SLCO3A1: variants seen among roughly 807,000 people sequenced by gnomAD.
SLCO3A1 encodes the protein PGE1 transporter.
In SLCO3A1, 27 loss-of-function variants were observed where a neutral mutation model predicts 63.1. The observed-to-expected ratio is 0.43, with a 90% CI of 0.32 to 0.59. SLCO3A1 has a LOEUF of 0.59. SLCO3A1 is among the 20% of genes least tolerant of loss of function. The pLI is 0.09. For missense variants in SLCO3A1, 773 were observed against 945.8 expected, an observed-to-expected ratio of 0.82 and a Z score of 2.40; for synonymous variants, 473 against 409.9, an observed-to-expected ratio of 1.15 and a Z score of -1.86.
At chr15:92,111,101 C>A (rs1253463376) in intron 4 of SLCO3A1, among the ~76,000 whole-genome samples, 1 of 152,184 alleles carries the variant, frequency 6.6e-6, no homozygotes, top group East Asian at 1.9e-4. Context: ...TTCACCCCCG[C>A]CCCACCACTG....
In SLCO3A1 at chr15:92,163,482, G is replaced by C. The variant is rs182908291; in HGVS notation, c.*347G>C. ...ACAGTGGTGGCCAGCTTGGAGGATG[G>C]ACATTTCTGGATACACATACACATA... On this transcript the variant is annotated 3_prime_UTR_variant, in exon 10 of 10. Coordinates refer to ENST00000318445, the MANE Select transcript of SLCO3A1 (RefSeq NM_013272.4). The C allele has an allele frequency of 2.2e-4, 229 of 1,021,696 alleles. No homozygotes were observed. In the African/African-American group the frequency reaches 3.1e-3, roughly 14 times the overall value. 63.3% of individuals were successfully genotyped at this position (1,021,696 alleles called of 1,614,324 possible).
At chr15:92,137,148 A>G (rs1450021708) in intron 7 of SLCO3A1, among the ~76,000 whole-genome samples, 11 of 123,080 alleles carry the variant, frequency 8.9e-5, no homozygotes, top group South Asian at 2.7e-4. Context: ...AGCAGTCCCC[A>G]GAGTGTGATG....
chr15:91,884,468 C>T (rs1483580872), intron 1 of SLCO3A1, among the ~76,000 whole-genome samples: 2 of 144,916 alleles, frequency 1.4e-5, no homozygotes, highest in South Asian at 2.2e-4. Flanking sequence ...GCCGAGATCG[C>T]GTCACTGCGC....
intron 4 of SLCO3A1, among the ~76,000 whole-genome samples, chr15:92,107,008 G>A (rs1280451503): frequency 6.6e-6 from 1 of 152,110 alleles, no homozygotes; most frequent in Non-Finnish European, 1.5e-5. Flanking sequence ...TTATATTCTG[G>A]AGCTTATGTT....
At chr15:92,087,609 C>T (rs541104943) in intron 2 of SLCO3A1, among the ~76,000 whole-genome samples, 1 of 150,814 alleles carries the variant, frequency 6.6e-6, no homozygotes, top group East Asian at 2.0e-4. Context: ...ACCTCTGCCT[C>T]CCAGGTTCAA....
At chr15:91,969,122 A>G (rs1251998249) in intron 2 of SLCO3A1, among the ~76,000 whole-genome samples, 2 of 152,190 alleles carry the variant, frequency 1.3e-5, no homozygotes, top group African/African-American at 2.4e-5. Context: ...TTTTCGTTGT[A>G]TACAGCACAT....
chr15:92,126,142 G>A lies in SLCO3A1; in HGVS notation c.1256G>A (p.Gly419Glu), dbSNP rs746511750. 4 of 1,613,848 alleles carry A rather than the reference G, an allele frequency of 2.5e-6. No individual in the cohort carries two copies. The highest frequency in any genetic ancestry group is 1.3e-5 in the African/African-American group (1 of 74,944). Reference protein sequence around the residue: ...LVKKLSLSALGAIRMAMLVNL... With the variant: ...LVKKLSLSALEAIRMAMLVNL... ...AAGAAGCTCAGCCTGTCTGCCCTGG[G>A]GGCCATTCGGATGGCCATGCTCGTC... The change falls in exon 6 of 10, where the codon GGG (glycine) becomes GAG (glutamate). Residue 419 changes from glycine to glutamate, a missense_variant. Gly to Glu is a moderately conservative substitution (Grantham distance 98, BLOSUM62 -2). Around this residue, in one of 3 missense-constraint regions of SLCO3A1, gnomAD observed 565 missense variants for 749.8 expected, o/e 0.75. Transcript: ENST00000318445.
chr15:92,155,215 C>T lies in SLCO3A1; in HGVS notation c.1753+4201C>T, dbSNP rs1445591891. 2.6e-5 allele frequency: 4 copies of T among 152,284 alleles called. No individual in the cohort carries two copies. The South Asian group carries it at 8.3e-4, about 31-fold the overall frequency. The allele number at this position is 152,284 out of a possible 1,614,324, so 9.4% of individuals were successfully genotyped here. On this transcript the variant is annotated intron_variant, in intron 9 of 9. Transcript: ENST00000318445. ...CAGGTGTCTTGGCTACTCCTTTTCT[C>T]TCCAGGCTGTGGGCAAACTCTCTGC... is the stretch of plus-strand genomic sequence containing the variant.
rs200333369 is a variant in SLCO3A1, at chr15:91,944,597, G to A, written c.646+28139G>A. 5.3e-5 allele frequency among the ~76,000 whole-genome samples: 8 copies of A among 152,104 alleles called. No homozygotes were observed. The East Asian group carries it at 1.4e-3, about 26-fold the overall frequency. The stretch of plus-strand genomic sequence containing the variant: ...CAGCCATGGACAAGCAGACAGCCAC[G>A]GATATTATGACAATGCAAGTCCTGG... On this transcript the variant is annotated intron_variant, in intron 2 of 9. Transcript: ENST00000318445.
In SLCO3A1 at chr15:91,868,090, C is replaced by T. The variant is rs1459033487; in HGVS notation, c.180+14002C>T. 2.0e-5 allele frequency among the ~76,000 whole-genome samples: 3 copies of T among 151,804 alleles called. No individual in the cohort carries two copies. In the East Asian group the frequency reaches 5.8e-4, roughly 29 times the overall value. On this transcript the variant is annotated intron_variant, in intron 1 of 9. Transcript: ENST00000318445. The stretch of plus-strand genomic sequence containing the variant: ...TTGAGGGGATGGAGTCTCGCTCTGT[C>T]GCCCAGGCTGGAGTGCATTGGTGGG...
chr15:91,892,983 T>C (rs1897908282), intron 1 of SLCO3A1, among the ~76,000 whole-genome samples: 1 of 152,270 alleles, frequency 6.6e-6, no homozygotes, highest in Non-Finnish European at 1.5e-5. Context: ...CTTAGTATGA[T>C]ACTTGGCTAG....
chr15:92,060,013 C>T (rs1041280400), intron 2 of SLCO3A1, among the ~76,000 whole-genome samples: 1 of 152,112 alleles, frequency 6.6e-6, no homozygotes, highest in Non-Finnish European at 1.5e-5. Context: ...ATACTGTAGG[C>T]AGTTGCAACG....
At chr15:92,134,382 G>A (rs1268223915) in intron 7 of SLCO3A1, among the ~76,000 whole-genome samples, 1 of 152,146 alleles carries the variant, frequency 6.6e-6, no homozygotes, top group South Asian at 2.1e-4. Flanking sequence ...CCCTCTGCTA[G>A]GCATTGTAAG....
At chr15:91,918,949 C>A (rs562018388) in intron 2 of SLCO3A1, among the ~76,000 whole-genome samples, 4 of 152,326 alleles carry the variant, frequency 2.6e-5, no homozygotes, top group African/African-American at 9.6e-5. Context: ...TGGTCATATG[C>A]CTAAATCGTG....
At chr15:92,025,317 C>G (rs1878089239) in intron 2 of SLCO3A1, among the ~76,000 whole-genome samples, 1 of 152,104 alleles carries the variant, frequency 6.6e-6, no homozygotes, top group Admixed American at 6.6e-5. Flanking sequence ...AAGCCAATCC[C>G]TCCTAAATTT....
chr15:92,127,020 G>A (rs2151566979), intron 6 of SLCO3A1, among the ~76,000 whole-genome samples: 1 of 152,324 alleles, frequency 6.6e-6, no homozygotes, highest in East Asian at 1.9e-4. Context: ...GCTTGTGCCG[G>A]AAGATGCAGT....
intron 2 of SLCO3A1, among the ~76,000 whole-genome samples, chr15:92,062,855 C>A (rs2047103438): frequency 6.6e-6 from 1 of 152,220 alleles, no homozygotes; most frequent in African/African-American, 2.4e-5. Flanking sequence ...CACCACAGGG[C>A]AGCCCTGGGA....
chr15:92,024,646 T>C (rs1241004385), intron 2 of SLCO3A1, among the ~76,000 whole-genome samples: 1 of 152,208 alleles, frequency 6.6e-6, no homozygotes, highest in Non-Finnish European at 1.5e-5. Context: ...AAAATCTTCA[T>C]GCTGCTTACA....
intron 2 of SLCO3A1, among the ~76,000 whole-genome samples, chr15:92,062,783 G>A (rs1206847537): frequency 6.6e-6 from 1 of 152,164 alleles, no homozygotes; most frequent in Non-Finnish European, 1.5e-5. Context: ...TGTTATCATT[G>A]TGGTCCCTCT....
Sources: gnomAD v4.1 joint callset for allele counts (sites outside exome capture counted in the v4.1 genomes callset) on GRCh38, gnomAD v4.1.1 for gene constraint, gnomAD v4.1.1 regional missense constraint, MANE v1.5 for transcripts, NCBI Gene and HGNC (gene_info 2026-07-23, HGNC 2026-07-21) for gene names.